The following SKP2 variants were observed in gnomAD, a reference collection of about 807,000 sequenced individuals.
SKP2 encodes S-phase kinase associated protein 2, also known as S-phase kinase-associated protein 2.
SKP2 carries 16 observed loss-of-function variants against 51.8 expected under a neutral mutation model. The observed-to-expected ratio is 0.31, with a 90% confidence interval of 0.21 to 0.47. SKP2 has a LOEUF of 0.47. SKP2 is among the 20% of genes least tolerant of loss of function. The pLI is 1.00. For synonymous variants in SKP2, 176 were observed against 198.6 expected, an observed-to-expected ratio of 0.89 and a Z score of 0.96; for missense variants, 377 against 505.3, an observed-to-expected ratio of 0.75 and a Z score of 2.43.
intron 6 of SKP2, among the ~76,000 whole-genome samples, chr5:36,190,683 C>CAAAAAAAAAAA (rs70973094): frequency 1.1e-3 from 86 of 81,154 alleles, no homozygotes; most frequent in East Asian, 3.5e-3. Context: ...CAAACATATG[C>CAAAAAAAAAAA]AAAAAAAAAA....
intron 7 of SKP2, among the ~76,000 whole-genome samples, chr5:36,173,991 T>C (rs1418971737): frequency 2.0e-5 from 3 of 152,046 alleles, no homozygotes; most frequent in Admixed American, 6.6e-5. Flanking sequence ...ACCCATCTCT[T>C]AGAGTTACAG....
downstream of SKP2, among the ~76,000 whole-genome samples, chr5:36,187,609 T>C (rs1745968491): frequency 6.6e-6 from 1 of 152,208 alleles, no homozygotes; most frequent in Non-Finnish European, 1.5e-5. Flanking sequence ...CAGTTTGTTA[T>C]AATTTCTGTT....
Position 36,182,123 on chromosome 5 carries a change from G to T in SKP2, c.*92G>T. 6.6e-7 allele frequency: 1 copy of T among 1,510,342 alleles called. No homozygotes were observed. The highest frequency in any genetic ancestry group is 2.3e-4 in the Middle Eastern group (1 of 4,290). 93.6% of individuals were successfully genotyped at this position (1,510,342 alleles called of 1,614,324 possible). A position where few individuals can be genotyped will look rare whatever the true frequency, so the allele number is the denominator to read the frequency against. On this transcript the variant is annotated 3_prime_UTR_variant, in exon 10 of 10. Transcript: ENST00000274255. ...GAGTACTTAGCTAGTTTTATTCTTGGTTTTCCCTTTGCCTTCATTCTGCAA... is the reference window on the plus strand; with the variant it reads ...GAGTACTTAGCTAGTTTTATTCTTGTTTTTCCCTTTGCCTTCATTCTGCAA...
chr5:36,158,268 C>T (rs937009955), intron 2 of SKP2, among the ~76,000 whole-genome samples: 1 of 152,224 alleles, frequency 6.6e-6, no homozygotes, highest in African/African-American at 2.4e-5. Context: ...ACAGACCAGG[C>T]AGCAGTTTCA....
rs746958155 is a variant in SKP2 at position 36,170,412 on chromosome 5, C to T, written c.740C>T (p.Ala247Val). Residue 247 changes from alanine (A) to valine (V), a missense_variant, in exon 6 of 10, where the codon GCC becomes GTC. Physicochemically the swap from Ala to Val is moderately conservative, Grantham distance 64 (BLOSUM62 0). Transcript: ENST00000274255. ...GGGTGTTCTGGATTCTCTGAATTTGCCCTGCAGACTTTGCTAAGCAGCTGT... is the reference window on the plus strand; with the variant it reads ...GGGTGTTCTGGATTCTCTGAATTTGTCCTGCAGACTTTGCTAAGCAGCTGT... ...LSGCSGFSEF[A>V]LQTLLSSCSR... 3.7e-6 allele frequency: 6 copies of T among 1,612,202 alleles called. No individual in the cohort carries two copies. The Admixed American group carries it at 8.4e-5, about 22-fold the overall frequency.
chr5:36,153,112 G>C, intron 2 of SKP2, 70 bp downstream of exon 2: 4 of 1,468,320 alleles, frequency 2.7e-6, no homozygotes, highest in Non-Finnish European at 3.7e-6. Context: ...GGAAACCTTT[G>C]TTCAGAGATC....
intron 6 of SKP2, among the ~76,000 whole-genome samples, chr5:36,190,258 C>A (rs969154685): frequency 6.6e-6 from 1 of 152,098 alleles, no homozygotes; most frequent in African/African-American, 2.4e-5. Flanking sequence ...CCCAGTGAGA[C>A]GAACCCGGTA....
chr5:36,160,214 C>A (rs1477412696), intron 2 of SKP2, among the ~76,000 whole-genome samples: 1 of 152,198 alleles, frequency 6.6e-6, no homozygotes, highest in Non-Finnish European at 1.5e-5. Flanking sequence ...TCCAGTAGTC[C>A]TCAAATGTGT....
chr5:36,153,791 C>T (rs1744846414), intron 2 of SKP2, among the ~76,000 whole-genome samples: 1 of 152,172 alleles, frequency 6.6e-6, no homozygotes, highest in African/African-American at 2.4e-5. Flanking sequence ...TGTATCTTCC[C>T]TCCTTAATAG....
chr5:36,190,918 A>G (rs1328062884), intron 6 of SKP2, among the ~76,000 whole-genome samples: 1 of 152,170 alleles, frequency 6.6e-6, no homozygotes, highest in Non-Finnish European at 1.5e-5. Context: ...TGGTGTTGAC[A>G]ATTCCTCAGT....
chr5:36,155,619 A>G (rs927702410), intron 2 of SKP2, among the ~76,000 whole-genome samples: 1 of 152,202 alleles, frequency 6.6e-6, no homozygotes, highest in Non-Finnish European at 1.5e-5. Context: ...TGACCCTGTT[A>G]GTATAAAATT....
chr5:36,159,397 C>T (rs1156331718), intron 2 of SKP2, among the ~76,000 whole-genome samples: 1 of 152,174 alleles, frequency 6.6e-6, no homozygotes, highest in Non-Finnish European at 1.5e-5. Flanking sequence ...TTCTCCTGCC[C>T]TGTACTTCAT....
intron 6 of SKP2, among the ~76,000 whole-genome samples, chr5:36,191,154 G>A (rs1186555403): frequency 6.6e-6 from 1 of 152,060 alleles, no homozygotes; most frequent in African/African-American, 2.4e-5. Flanking sequence ...CCATAAACTG[G>A]TGGTTAGATC....
intron 2 of SKP2, among the ~76,000 whole-genome samples, chr5:36,157,713 T>C (rs33678): frequency 0.75 from 113,750 of 152,120 alleles, 45,138 homozygotes; most frequent in Non-Finnish European, 0.89. Context: ...GTCCTCAGTA[T>C]ACATTTCTGC....
At chr5:36,163,299 TC>T (rs145128511) in intron 2 of SKP2, among the ~76,000 whole-genome samples, 1 of 152,272 alleles carries the variant, frequency 6.6e-6, no homozygotes, top group East Asian at 1.9e-4. Context: ...GTACCACTCT[TC>T]ATGCCACAGC....
intron 7 of SKP2, among the ~76,000 whole-genome samples, chr5:36,176,302 T>C (rs2112001173): frequency 6.6e-6 from 1 of 152,062 alleles, no homozygotes; most frequent in South Asian, 2.1e-4. Flanking sequence ...AGTTTTCTGA[T>C]ACTTTTTAAA....
intron 7 of SKP2, among the ~76,000 whole-genome samples, chr5:36,173,415 G>T (rs148788704): frequency 2.5e-3 from 379 of 152,198 alleles, no homozygotes; most frequent in African/African-American, 8.8e-3. Context: ...CTTCACCCAC[G>T]AGCATCCTCT....
intron 7 of SKP2, among the ~76,000 whole-genome samples, chr5:36,175,113 G>T (rs1262921171): frequency 6.6e-5 from 10 of 152,104 alleles, no homozygotes; most frequent in Admixed American, 6.6e-4. Context: ...AGACTAGGCT[G>T]GTGACACTTA....
chr5:36,166,733 T>TG, intron 4 of SKP2, 71 bp downstream of exon 4: 3 of 1,392,142 alleles, frequency 2.2e-6, no homozygotes, highest in Non-Finnish European at 3.0e-6. Context: ...AGCTTTTTTT[T>TG]TTTTTTTCTT....
Sources: gnomAD v4.1 joint callset for allele counts (sites outside exome capture counted in the v4.1 genomes callset) on GRCh38, gnomAD v4.1.1 for gene constraint, MANE v1.5 for transcripts, NCBI Gene and HGNC (gene_info 2026-07-23, HGNC 2026-07-21) for gene names.